ST6GALNAC1: variants seen among roughly 807,000 people sequenced by gnomAD.
The protein encoded by ST6GALNAC1 is ST6 N-acetylgalactosaminide alpha-2,6-sialyltransferase 1.
A neutral mutation model predicts 56.8 loss-of-function variants in ST6GALNAC1; 45 were observed. That is an observed-to-expected ratio of 0.79 (90% CI 0.62 to 1.02). ST6GALNAC1 has a LOEUF of 1.02. Ranked by LOEUF, ST6GALNAC1 falls within the 50% of genes least tolerant of loss-of-function variation. The pLI, the probability that ST6GALNAC1 is intolerant of heterozygous loss-of-function variation, is 0.00. For synonymous variants in ST6GALNAC1, 295 were observed against 297.8 expected, an observed-to-expected ratio of 0.99 and a Z score of 0.10; for missense variants, 743 against 754.8, an observed-to-expected ratio of 0.98 and a Z score of 0.18.
chr17:76,643,434 T>C (rs2076074515), intron 1 of ST6GALNAC1, 74 bp downstream of exon 1: 1 of 1,544,846 alleles, frequency 6.5e-7, no homozygotes, highest in Middle Eastern at 1.7e-4. Flanking sequence ...ACTTCCCCAG[T>C]CCTCCCTGGG....
intron 1 of ST6GALNAC1, among the ~76,000 whole-genome samples, chr17:76,638,632 G>A (rs1267159764): frequency 6.6e-6 from 1 of 152,134 alleles, no homozygotes; most frequent in Non-Finnish European, 1.5e-5. Context: ...CCAGGCTGGA[G>A]TACTGTGGCA....
intron 1 of ST6GALNAC1, among the ~76,000 whole-genome samples, chr17:76,639,449 G>A (rs1005871125): frequency 2.6e-5 from 4 of 151,960 alleles, no homozygotes; most frequent in Non-Finnish European, 5.9e-5. Context: ...GGTGGCGTGC[G>A]TCTGTAGTCC....
Position 76,627,306 on chromosome 17 carries a change from C to T in ST6GALNAC1, c.1001-68G>A, listed in dbSNP as rs2075817179. 1.9e-6 allele frequency: 3 copies of T among 1,561,654 alleles called. No individual in the cohort carries two copies. Among genetic ancestry groups the T allele is most frequent in the South Asian group, 1.2e-5 (1 of 82,296 alleles). The stretch of plus-strand genomic sequence containing the variant: ...GACAGGAGTCCGACCCATCATTCCT[C>T]CCAGGTCTGGCAAACCCCAGGGAAG... On this transcript the variant is annotated intron_variant, in intron 3 of 8. Coordinates refer to ENST00000156626, the MANE Select transcript of ST6GALNAC1 (RefSeq NM_018414.5). The surrounding 1 kb of genome is among the most constrained non-coding windows in gnomAD (Gnocchi z 4.4).
chr17:76,640,427 G>A (rs1473894457), intron 1 of ST6GALNAC1, among the ~76,000 whole-genome samples: 1 of 152,210 alleles, frequency 6.6e-6, no homozygotes, highest in East Asian at 1.9e-4. Context: ...CTGCTGGGAA[G>A]GCCAGGCCCG....
intron 2 of ST6GALNAC1, among the ~76,000 whole-genome samples, chr17:76,628,096 CAAAAA>C (rs11312067): frequency 1.4e-5 from 1 of 69,786 alleles, no homozygotes; most frequent in African/African-American, 5.3e-5. Context: ...GAGTCCATCT[CAAAAA>C]AAAAAAAAAA....
intron 1 of ST6GALNAC1, chr17:76,633,588 A>G (rs1306422739): frequency 6.6e-6 from 1 of 152,228 alleles, no homozygotes; most frequent in Non-Finnish European, 1.5e-5. Flanking sequence ...ACAGGAAAAT[A>G]GTTATCTGGC....
chr17:76,643,148 G>A (rs1372798555), intron 1 of ST6GALNAC1, among the ~76,000 whole-genome samples: 2 of 152,180 alleles, frequency 1.3e-5, no homozygotes, highest in African/African-American at 2.4e-5. Context: ...CGTAGAGAAT[G>A]GCATGTAAGA....
rs1013262530 is a variant in ST6GALNAC1, at chr17:76,637,572, C to CA, written c.131+5935dup. 199 of 396,238 alleles carry CA rather than the reference C, an allele frequency of 5.0e-4. 1 individual carries two copies. The highest frequency in any genetic ancestry group is 4.1e-3 in the South Asian group (31 of 7,624). 24.5% of individuals were successfully genotyped at this position (396,238 alleles called of 1,614,324 possible). A position where few individuals can be genotyped will look rare whatever the true frequency, so the allele number is the denominator to read the frequency against. ...GTACTGGCTTTTCAAAAAAACAGAA[C>CA]AAAAAAAACCCAAAAAAAGTCTCTC... On this transcript the variant is annotated intron_variant, in intron 1 of 8. Transcript: ENST00000156626.
downstream of ST6GALNAC1, among the ~76,000 whole-genome samples, chr17:76,623,025 C>A (rs1247894489): frequency 6.6e-6 from 1 of 152,134 alleles, no homozygotes; most frequent in East Asian, 1.9e-4. Context: ...GAACTCCCGA[C>A]CTTGTGATCC....
downstream of ST6GALNAC1, among the ~76,000 whole-genome samples, chr17:76,621,339 C>G (rs567566712): frequency 2.0e-5 from 3 of 151,456 alleles, no homozygotes; most frequent in Non-Finnish European, 4.4e-5. Context: ...CACGCCACCA[C>G]GCCCAGCTAA....
chr17:76,642,422 C>G (rs2076061266), intron 1 of ST6GALNAC1, among the ~76,000 whole-genome samples: 1 of 152,090 alleles, frequency 6.6e-6, no homozygotes, highest in Non-Finnish European at 1.5e-5. Context: ...GTATATCAAG[C>G]ACTTAGAATA....
At chr17:76,625,591 C>A (rs2075785306) in intron 8 of ST6GALNAC1, 64 bp from the exon 9 acceptor site, 12 of 1,575,338 alleles carry the variant, frequency 7.6e-6, no homozygotes, top group Non-Finnish European at 9.5e-6. Context: ...CTTCTCATGG[C>A]TAATTCTGTG....
At chr17:76,620,350 GTTTA>G (rs1320686047), downstream of ST6GALNAC1, among the ~76,000 whole-genome samples, 1 of 151,956 alleles carries the variant, frequency 6.6e-6, no homozygotes, top group African/African-American at 2.4e-5. Context: ...TTATTGTTAG[GTTTA>G]TTTGTTTCTC....
rs1252070840 is a variant in ST6GALNAC1, at chr17:76,627,062, C to T, written c.1172+5G>A. The T allele has an allele frequency of 6.5e-7, 1 of 1,542,086 alleles. No homozygotes were observed. The highest frequency in any genetic ancestry group is 8.7e-7 in the Non-Finnish European group (1 of 1,145,558). ...GGAGAGGGAGCTTGGGTGGGGACAG[C>T]TTACCGGAACACGTAGTCGTGACTG... On this transcript the variant is annotated splice_donor_5th_base_variant and intron_variant, in intron 4 of 8. Transcript: ENST00000156626. This position sits in a 1 kb window ranked among gnomAD's most constrained non-coding sequence, Gnocchi z 4.4.
At position 76,625,243 on chromosome 17, in the gene ST6GALNAC1, C is replaced by T. The variant is rs1012575985; in HGVS notation, c.*87G>A. On this transcript the variant is annotated 3_prime_UTR_variant, in exon 9 of 9. Transcript: ENST00000156626. ...GAAGGGCTTGGAGCTTAGTCTGAGCCATGGGAAATGGCCAAAGAGTCTCAA... is the reference window on the plus strand; with the variant it reads ...GAAGGGCTTGGAGCTTAGTCTGAGCTATGGGAAATGGCCAAAGAGTCTCAA... 2.8e-6 allele frequency: 4 copies of T among 1,421,962 alleles called. No homozygotes were observed. The African/African-American group carries it at 5.7e-5, about 20-fold the overall frequency. The allele number at this position is 1,421,962 out of a possible 1,614,324, so 88.1% of individuals were successfully genotyped here.
chr17:76,628,909 T>C (rs933128957), intron 2 of ST6GALNAC1, 103 bp downstream of exon 2: 23 of 1,092,242 alleles, frequency 2.1e-5, no homozygotes, highest in Non-Finnish European at 3.1e-5. Flanking sequence ...AGACAAAGTC[T>C]AGAAGCAGAG....
rs765488747 is a variant in ST6GALNAC1, at chr17:76,629,723, G to A, written c.132-12C>T. ...CTGTGCGTTGATGCCTAGGGACAGA[G>A]ATAACCTTTGATGAAGGCTGAAGAT... On this transcript the variant is annotated splice_polypyrimidine_tract_variant and intron_variant, in intron 1 of 8. Coordinates refer to ENST00000156626, the MANE Select transcript of ST6GALNAC1 (RefSeq NM_018414.5). 6.9e-6 allele frequency: 11 copies of A among 1,592,524 alleles called. No homozygotes were observed. The highest frequency in any genetic ancestry group is 1.7e-5 in the Admixed American group (1 of 59,308).
downstream of ST6GALNAC1, among the ~76,000 whole-genome samples, chr17:76,622,213 TC>T (rs1292731950): frequency 6.7e-6 from 1 of 150,088 alleles, no homozygotes; most frequent in Non-Finnish European, 1.5e-5. Flanking sequence ...TGCCTATTTT[TC>T]TATTAGGTTT....
intron 2 of ST6GALNAC1, among the ~76,000 whole-genome samples, chr17:76,628,675 C>T (rs112724745): frequency 0.04 from 6,121 of 152,188 alleles, 250 homozygotes; most frequent in African/African-American, 0.099. Context: ...GATTCAGGGG[C>T]CAAGCCCCAG....
Sources: allele counts gnomAD v4.1 joint callset (sites outside exome capture counted in the v4.1 genomes callset), GRCh38; gene constraint gnomAD v4.1.1; non-coding constraint Gnocchi (gnomAD v3.1); transcripts MANE v1.5; gene names NCBI Gene and HGNC (gene_info 2026-07-23, HGNC 2026-07-21).